The following SEC22A variants were observed in gnomAD, a reference collection of about 807,000 sequenced individuals.
SEC22A encodes the protein SEC22 homolog A, vesicle trafficking protein, also known as vesicle-trafficking protein SEC22a.
In SEC22A, 22 loss-of-function variants were observed where a neutral mutation model predicts 35.3. The ratio of observed to expected loss-of-function variants is 0.62; its 90% CI spans 0.45 to 0.89. The LOEUF is 0.89. Ranked by LOEUF, SEC22A falls within the 40% of genes least tolerant of loss-of-function variation. SEC22A has a pLI of 0.00. For missense variants in SEC22A, 354 were observed against 362.5 expected, an observed-to-expected ratio of 0.98 and a Z score of 0.19; for synonymous variants, 119 against 129.5, an observed-to-expected ratio of 0.92 and a Z score of 0.55.
chr3:123,271,808 C>A lies in SEC22A; in HGVS notation c.*86C>A. 9.1e-7 allele frequency: 1 copy of A among 1,104,028 alleles called. No individual in the cohort carries two copies. Among genetic ancestry groups the A allele is most frequent in the East Asian group, 2.5e-5 (1 of 40,374 alleles). The allele number at this position is 1,104,028 out of a possible 1,614,324, so 68.4% of individuals were successfully genotyped here. A position where few individuals can be genotyped will look rare whatever the true frequency, so the allele number is the denominator to read the frequency against. On this transcript the variant is annotated 3_prime_UTR_variant, in exon 7 of 7. Transcript: ENST00000492595. ...TGCACTGTGATGAAGAAGCTGTTCC[C>A]CACAGAGGAGAAGCTCTGCTTTCTT...
chr3:123,258,734 T>C (rs1398836480), intron 5 of SEC22A, among the ~76,000 whole-genome samples: 1 of 151,840 alleles, frequency 6.6e-6, no homozygotes, highest in Non-Finnish European at 1.5e-5. Flanking sequence ...TTTTTTTCTC[T>C]CTAATATAAG....
intron 6 of SEC22A, among the ~76,000 whole-genome samples, chr3:123,268,162 GGTGGGTCACAGGGGTTTTTTGTGT>G: frequency 6.6e-6 from 1 of 152,138 alleles, no homozygotes; most frequent in Non-Finnish European, 1.5e-5. Context: ...TGTGGGTATG[GGTGGGTCACAGGGGTTTTTTGTGT>G]GATGTTTGGC....
At chr3:123,232,015 C>CCCCA (rs1937334348) in intron 4 of SEC22A, among the ~76,000 whole-genome samples, 1 of 152,112 alleles carries the variant, frequency 6.6e-6, no homozygotes, top group Non-Finnish European at 1.5e-5. Flanking sequence ...GAGGTGGATG[C>CCCCA]ATCACTTGAA....
intron 5 of SEC22A, among the ~76,000 whole-genome samples, chr3:123,247,632 T>G (rs1045015653): frequency 6.6e-6 from 1 of 152,214 alleles, no homozygotes; most frequent in Non-Finnish European, 1.5e-5. Context: ...TTCCTTGTCT[T>G]CCCTCTGATC....
rs573993316 is a variant in SEC22A at position 123,253,099 on chromosome 3, A to G, written c.658-6425A>G. On this transcript the variant is annotated intron_variant, in intron 5 of 6. Coordinates refer to ENST00000492595, the MANE Select transcript of SEC22A (RefSeq NM_012430.5). ...AACCTGGAAGTAATTTGCATATGGC[A>G]CATTAGAAAAAAAATGGAATCTTTT... Among the ~76,000 whole-genome samples the G allele has an allele frequency of 2.2e-4, 34 of 152,338 alleles. No individual in the cohort carries two copies. The South Asian group carries it at 3.7e-3, about 17-fold the overall frequency.
chr3:123,269,779 C>T (rs1938117342), intron 6 of SEC22A, among the ~76,000 whole-genome samples: 1 of 151,758 alleles, frequency 6.6e-6, no homozygotes, highest in Admixed American at 6.6e-5. Context: ...ACTACAGGCG[C>T]CCGCCACCAC....
rs750311610 is a variant in SEC22A, at chr3:123,259,599, C to A, written c.723+10C>A. 2 of 1,596,436 alleles carry A rather than the reference C, an allele frequency of 1.3e-6. No homozygotes were observed. The highest frequency in any genetic ancestry group is 2.2e-5 in the South Asian group (2 of 90,190). ...AGCCTGCCTTTACCAGGTAGGTTTT[C>A]TTCCATTTTAAAGAAACACTTACCA... On this transcript the variant is annotated intron_variant, in intron 6 of 6. Coordinates refer to ENST00000492595, the MANE Select transcript of SEC22A (RefSeq NM_012430.5).
intron 2 of SEC22A, among the ~76,000 whole-genome samples, chr3:123,215,006 T>C (rs1197438346): frequency 6.6e-6 from 1 of 152,230 alleles, no homozygotes; most frequent in Non-Finnish European, 1.5e-5. Context: ...TGTCTAGCAG[T>C]GTTTCCCTTT....
At chr3:123,264,992 T>A (rs1051352923) in intron 6 of SEC22A, among the ~76,000 whole-genome samples, 4 of 152,130 alleles carry the variant, frequency 2.6e-5, no homozygotes, top group Non-Finnish European at 4.4e-5. Flanking sequence ...CTGTTTTTCT[T>A]AAAGAGTTTT....
At chr3:123,209,924 A>C (rs918106293) in intron 2 of SEC22A, among the ~76,000 whole-genome samples, 2 of 152,234 alleles carry the variant, frequency 1.3e-5, no homozygotes, top group East Asian at 3.8e-4. Context: ...GATGCTGTGG[A>C]TGAAGAGCAA....
intron 2 of SEC22A, among the ~76,000 whole-genome samples, chr3:123,222,033 C>T (rs565964769): frequency 6.6e-6 from 1 of 152,038 alleles, no homozygotes; most frequent in Non-Finnish European, 1.5e-5. Context: ...CACATATCAG[C>T]CTCAGTAAAT....
chr3:123,266,458 T>G (rs892340506), intron 6 of SEC22A, among the ~76,000 whole-genome samples: 4 of 152,172 alleles, frequency 2.6e-5, no homozygotes, highest in African/African-American at 7.2e-5. Context: ...TTTAGCTGTA[T>G]TCCATAAATT....
At chr3:123,224,264 G>GA (rs78377430) in intron 3 of SEC22A, among the ~76,000 whole-genome samples, 9,278 of 130,856 alleles carry the variant, frequency 0.071, 495 homozygotes, top group African/African-American at 0.17. Context: ...TGATGTAGAA[G>GA]AAAAAAAAAA....
chr3:123,250,616 G>A (rs2108084082), intron 5 of SEC22A, among the ~76,000 whole-genome samples: 1 of 152,270 alleles, frequency 6.6e-6, no homozygotes, highest in Non-Finnish European at 1.5e-5. Flanking sequence ...CAGGCCAGGT[G>A]AGGATAGTAG....
intron 4 of SEC22A, among the ~76,000 whole-genome samples, chr3:123,242,766 G>C (rs1000591573): frequency 6.6e-6 from 1 of 152,120 alleles, no homozygotes; most frequent in Non-Finnish European, 1.5e-5. Context: ...GAAAGTTTAG[G>C]CACAGAAAAG....
chr3:123,215,117 T>A (rs1053018255), intron 2 of SEC22A, among the ~76,000 whole-genome samples: 3 of 152,236 alleles, frequency 2.0e-5, no homozygotes, highest in African/African-American at 7.2e-5. Context: ...ACATTATCAT[T>A]AAGCTTTCTA....
rs1200375363 is a variant in SEC22A, at chr3:123,203,058, T to C, written c.-20+1072T>C. On this transcript the variant is annotated intron_variant, in intron 1 of 6. Coordinates refer to ENST00000492595, the MANE Select transcript of SEC22A (RefSeq NM_012430.5). ...CCATCACATCTGTTTAGTGCCTTTT[T>C]TTTTTTTTTTTTTTTTTTTTTTTTT... Among the ~76,000 whole-genome samples, 44 of 75,986 alleles carry C rather than the reference T, an allele frequency of 5.8e-4. 3 individuals are homozygous for C. The highest frequency in any genetic ancestry group is 9.5e-4 in the African/African-American group (19 of 19,980). The allele number at this position is 75,986 out of a possible 152,430, so 49.8% of individuals were successfully genotyped here.
rs961857137 is a variant in SEC22A, at chr3:123,241,273, C to T, written c.542-4626C>T. Among the ~76,000 whole-genome samples, 9 of 152,218 alleles carry T rather than the reference C, an allele frequency of 5.9e-5. No homozygotes were observed. The South Asian group carries it at 1.9e-3, about 32-fold the overall frequency. ...CCTTGAAGGATATGCATGATTTTTA[C>T]AGGTGGTGATGATAAAGAAGGGCCT... is the stretch of plus-strand genomic sequence containing the variant. On this transcript the variant is annotated intron_variant, in intron 4 of 6. Coordinates refer to ENST00000492595, the MANE Select transcript of SEC22A (RefSeq NM_012430.5).
chr3:123,263,580 G>A (rs6772770), intron 6 of SEC22A, among the ~76,000 whole-genome samples: 29,697 of 148,518 alleles, frequency 0.2, 2,952 homozygotes, highest in Middle Eastern at 0.29. Flanking sequence ...GCAGTGGCGC[G>A]ATCTTGGCTC....
Sources: allele counts gnomAD v4.1 joint callset (sites outside exome capture counted in the v4.1 genomes callset), GRCh38; gene constraint gnomAD v4.1.1; transcripts MANE v1.5; gene names NCBI Gene and HGNC (gene_info 2026-07-23, HGNC 2026-07-21).